Variants in WLS observed in about 807,000 individuals in gnomAD.
The protein encoded by WLS is protein wntless homolog.
In WLS, 23 loss-of-function variants were observed where a neutral mutation model predicts 62.8. That is an observed-to-expected ratio of 0.37 (90% CI 0.26 to 0.52). WLS has a LOEUF of 0.52. Among genes scored for constraint, WLS ranks in the 20% least tolerant of loss-of-function variants. The pLI is 0.92. For missense variants in WLS, 615 were observed against 697.3 expected (o/e 0.88, Z 1.33); for synonymous variants, 246 against 244.1 (o/e 1.01, Z -0.07).
At chr1:68,185,223 G>A (rs1359112935) in intron 2 of WLS, among the ~76,000 whole-genome samples, 1 of 152,164 alleles carries the variant, frequency 6.6e-6, no homozygotes, top group African/African-American at 2.4e-5. Context: ...GAAAAAACAG[G>A]TTGTGGCCTG....
chr1:68,115,499 A>G (rs1646279431), intron 11 of WLS, among the ~76,000 whole-genome samples: 2 of 152,198 alleles, frequency 1.3e-5, no homozygotes, highest in Admixed American at 6.5e-5. Context: ...AGTCGGGCAC[A>G]GCCTTGAGTG....
intron 2 of WLS, among the ~76,000 whole-genome samples, chr1:68,190,316 G>A (rs1648218290): frequency 6.6e-6 from 1 of 152,226 alleles, no homozygotes; most frequent in Non-Finnish European, 1.5e-5. Flanking sequence ...TGAAAAGTAT[G>A]CCAGCAGGTA....
intron 2 of WLS, among the ~76,000 whole-genome samples, chr1:68,160,190 A>C (rs1646954212): frequency 6.6e-6 from 1 of 150,932 alleles, no homozygotes; most frequent in South Asian, 2.1e-4. Context: ...CTTTGTAAAT[A>C]TCATTTTGTT....
At chr1:68,229,694 C>T (rs908742424) in intron 1 of WLS, among the ~76,000 whole-genome samples, 1 of 150,412 alleles carries the variant, frequency 6.6e-6, no homozygotes. Flanking sequence ...TTGGGTCCTA[C>T]CCAAATTTTA....
chr1:68,152,891 A>T (rs1646846056), intron 5 of WLS, among the ~76,000 whole-genome samples: 1 of 152,194 alleles, frequency 6.6e-6, no homozygotes, highest in Non-Finnish European at 1.5e-5. Flanking sequence ...TGTAAGTGAG[A>T]GGAGCTGGGC....
At chr1:68,225,477 G>C (rs1650104548) in intron 1 of WLS, among the ~76,000 whole-genome samples, 1 of 152,134 alleles carries the variant, frequency 6.6e-6, no homozygotes, top group Admixed American at 6.5e-5. Context: ...AAATGAAATA[G>C]TCGTGATCAT....
chr1:68,159,300 G>A, intron 2 of WLS, 53 bp from the exon 3 acceptor site: 1 of 1,583,628 alleles, frequency 6.3e-7, no homozygotes, highest in Admixed American at 1.9e-5. Flanking sequence ...AGATATTTTA[G>A]AAACAGCTCA....
chr1:68,162,523 C>T lies in WLS; in HGVS notation c.380-3276G>A, dbSNP rs1341389455. 21 of 1,610,432 alleles carry T rather than the reference C, an allele frequency of 1.3e-5. 1 individual carries two copies. The highest frequency in any genetic ancestry group is 5.5e-5 in the South Asian group (5 of 90,998). On this transcript the variant is annotated intron_variant, in intron 2 of 11. Coordinates refer to ENST00000262348, the MANE Select transcript of WLS (RefSeq NM_024911.7). The stretch of plus-strand genomic sequence containing the variant: ...TCGAACTGCAACCGCCTACCCCCTG[C>T]GATCAAAGCCGATGAGGCCCAGCAT...
At chr1:68,188,794 G>A (rs779723625) in intron 2 of WLS, among the ~76,000 whole-genome samples, 8 of 152,236 alleles carry the variant, frequency 5.3e-5, no homozygotes, top group Admixed American at 1.3e-4. Context: ...CTCCTTTTGA[G>A]GATGCAGAGA....
chr1:68,110,961 T>G (rs1002504789), intron 11 of WLS, among the ~76,000 whole-genome samples: 3 of 152,138 alleles, frequency 2.0e-5, no homozygotes, highest in Non-Finnish European at 4.4e-5. Flanking sequence ...TTAGAATATT[T>G]TTATAATCTT....
At chr1:68,171,107 G>A (rs945579725) in intron 2 of WLS, among the ~76,000 whole-genome samples, 4 of 80,048 alleles carry the variant, frequency 5.0e-5, no homozygotes, top group African/African-American at 1.7e-4. Context: ...TGAAATCCCT[G>A]TGCTAGATGG....
In WLS at chr1:68,232,491, TCGGGTTCCC is replaced by T; in HGVS notation, c.-201_-193del. ...CACGGATTCCCCCGGCGCAGCCGGC[TCGGGTTCCC>T]CCAATGCCCGGAGCTGTGATTGTGG... On this transcript the variant is annotated 5_prime_UTR_variant, in exon 1 of 12. Transcript: ENST00000262348. The T allele has an allele frequency of 8.1e-7, 1 of 1,238,954 alleles. No individual in the cohort carries two copies. The highest frequency in any genetic ancestry group is 1.1e-6 in the Non-Finnish European group (1 of 945,520). The allele number at this position is 1,238,954 out of a possible 1,614,324, so 76.7% of individuals were successfully genotyped here.
At position 68,152,190 on chromosome 1, in the gene WLS, C is replaced by T. The variant is rs536840995; in HGVS notation, c.803+1327G>A. On this transcript the variant is annotated intron_variant, in intron 5 of 11. Coordinates refer to ENST00000262348, the MANE Select transcript of WLS (RefSeq NM_024911.7). Reference sequence around the variant, plus strand: ...ACACAATCAAGTGTTGTTCTTGGTACATGTGACATTTTCAATGCAAATGAA... The same window carrying T: ...ACACAATCAAGTGTTGTTCTTGGTATATGTGACATTTTCAATGCAAATGAA... Among the ~76,000 whole-genome samples, 3 of 152,260 alleles carry T rather than the reference C, an allele frequency of 2.0e-5. No homozygotes were observed. The South Asian group carries it at 6.2e-4, about 32-fold the overall frequency.
At chr1:68,176,863 G>C (rs1647279825) in intron 2 of WLS, among the ~76,000 whole-genome samples, 1 of 152,148 alleles carries the variant, frequency 6.6e-6, no homozygotes. Flanking sequence ...ATTTAACCTT[G>C]AACATCTAGC....
chr1:68,145,793 G>C (rs1371407318), intron 9 of WLS, 76 bp downstream of exon 9: 1 of 1,569,308 alleles, frequency 6.4e-7, no homozygotes, highest in East Asian at 2.3e-5. Flanking sequence ...TCTATCTCCA[G>C]GGTGTGTGTG....
intron 11 of WLS, chr1:68,127,015 AC>A: frequency 3.0e-6 from 1 of 338,474 alleles, no homozygotes; most frequent in South Asian, 2.2e-5. Context: ...ACAGAGCGAG[AC>A]CCTGACTCTA....
rs1650147271 is a variant in WLS at position 68,226,506 on chromosome 1, TAATATA to T, written c.106+5682_106+5687del. Reference sequence around the variant, plus strand: ...ATATATCTATTTCAAGATGAAATATTAATATAATTAGTTGATGGTATAATTAGTAGG... The same window carrying T: ...ATATATCTATTTCAAGATGAAATATTATTAGTTGATGGTATAATTAGTAGG... On this transcript the variant is annotated intron_variant, in intron 1 of 11. Transcript: ENST00000262348. Among the ~76,000 whole-genome samples, 8 of 152,350 alleles carry T rather than the reference TAATATA, an allele frequency of 5.3e-5. No individual in the cohort carries two copies. The South Asian group carries it at 1.7e-3, about 32-fold the overall frequency.
chr1:68,104,792 T>C (rs766757837), intron 11 of WLS, among the ~76,000 whole-genome samples: 77 of 152,174 alleles, frequency 5.1e-4, no homozygotes, highest in Non-Finnish European at 8.8e-4. Flanking sequence ...TGGTGGTGCA[T>C]GCCTGTAGCC....
intron 11 of WLS, among the ~76,000 whole-genome samples, chr1:68,104,667 T>A (rs1390885605): frequency 6.6e-6 from 1 of 152,142 alleles, no homozygotes; most frequent in Non-Finnish European, 1.5e-5. Context: ...CCCAGCACTT[T>A]GGGATGCTGA....
Sources: gnomAD v4.1 joint callset for allele counts (sites outside exome capture counted in the v4.1 genomes callset) on GRCh38, gnomAD v4.1.1 for gene constraint, MANE v1.5 for transcripts, NCBI Gene and HGNC (gene_info 2026-07-23, HGNC 2026-07-21) for gene names.